NR3C2: variants seen among roughly 807,000 people sequenced by gnomAD.
NR3C2 encodes nuclear receptor subfamily 3 group C member 2.
NR3C2 carries 15 observed loss-of-function variants against 86.4 expected under a neutral mutation model. The ratio of observed to expected loss-of-function variants is 0.17; its 90% CI spans 0.12 to 0.27. The LOEUF (loss-of-function observed/expected upper bound fraction) is 0.27. Among genes scored for constraint, NR3C2 ranks in the 10% least tolerant of loss-of-function variants. The probability of loss-of-function intolerance (pLI) is 1.00; values close to 1 mark genes in which losing one functional copy is unlikely to be tolerated. For synonymous variants in NR3C2, 458 were observed against 450.5 expected (o/e 1.02, Z -0.21); for missense variants, 960 against 1,195.6 (o/e 0.80, Z 2.91).
At chr4:148,129,839 G>T (rs1578915189) in intron 6 of NR3C2, among the ~76,000 whole-genome samples, 1 of 152,032 alleles carries the variant, frequency 6.6e-6, no homozygotes, top group South Asian at 2.1e-4. Flanking sequence ...CAGGTGATCT[G>T]CCCCCCGCTT....
At chr4:148,226,676 T>C (rs1738184964) in intron 3 of NR3C2, among the ~76,000 whole-genome samples, 1 of 152,160 alleles carries the variant, frequency 6.6e-6, no homozygotes, top group South Asian at 2.1e-4. Context: ...GCTAATGTGG[T>C]TGTGCCATTT....
At position 148,203,249 on chromosome 4, in the gene NR3C2, C is replaced by T. The variant is rs964976124; in HGVS notation, c.1898-8387G>A. On this transcript the variant is annotated intron_variant, in intron 3 of 8. Coordinates refer to ENST00000358102, the MANE Select transcript of NR3C2 (RefSeq NM_000901.5). Reference sequence around the variant, plus strand: ...TAGAGCACCAAACTGGCTGCAAGTACGTCTTCACTAACTACCCCGGTCGAT... The same window carrying T: ...TAGAGCACCAAACTGGCTGCAAGTATGTCTTCACTAACTACCCCGGTCGAT... Among the ~76,000 whole-genome samples, 6 of 151,982 alleles carry T rather than the reference C, an allele frequency of 3.9e-5. No homozygotes were observed. The East Asian group carries it at 9.7e-4, about 24-fold the overall frequency.
Position 148,120,724 on chromosome 4 carries a change from G to T in NR3C2, c.2511-436C>A, listed in dbSNP as rs1213640135. On this transcript the variant is annotated intron_variant, in intron 6 of 8. Transcript: ENST00000358102. ...GCTAGATGCTACGAACATAGGATGG[G>T]GATGACCAATCTTATTTCTCCATGG... 2.0e-5 allele frequency among the ~76,000 whole-genome samples: 3 copies of T among 152,156 alleles called. No individual in the cohort carries two copies. The East Asian group carries it at 5.8e-4, about 29-fold the overall frequency.
At chr4:148,217,630 C>G (rs1326744893) in intron 3 of NR3C2, among the ~76,000 whole-genome samples, 2 of 152,182 alleles carry the variant, frequency 1.3e-5, no homozygotes, top group Non-Finnish European at 2.9e-5. Flanking sequence ...CTGGTTTGCC[C>G]CTGCTGTCTT....
intron 3 of NR3C2, among the ~76,000 whole-genome samples, chr4:148,212,649 C>T (rs534358535): frequency 6.6e-6 from 1 of 152,272 alleles, no homozygotes; most frequent in South Asian, 2.1e-4. Context: ...AAGAAAATAT[C>T]TAAAAGTAAA....
chr4:148,247,105 G>A (rs1464621372), intron 3 of NR3C2, among the ~76,000 whole-genome samples: 2 of 152,154 alleles, frequency 1.3e-5, no homozygotes, highest in African/African-American at 4.8e-5. Context: ...GATAAAGACA[G>A]AACAGAAAGC....
chr4:148,378,771 T>G (rs1746806379), intron 2 of NR3C2, among the ~76,000 whole-genome samples: 2 of 152,334 alleles, frequency 1.3e-5, no homozygotes, highest in South Asian at 4.1e-4. Context: ...ACCTCTTTTC[T>G]TTATAAATTG....
At chr4:148,103,258 TG>T (rs1426558827) in intron 8 of NR3C2, among the ~76,000 whole-genome samples, 1 of 152,198 alleles carries the variant, frequency 6.6e-6, no homozygotes, top group Admixed American at 6.5e-5. Context: ...CCACCTTTCA[TG>T]CCGGGTTTTC....
At chr4:148,310,148 A>C (rs564981884) in intron 2 of NR3C2, among the ~76,000 whole-genome samples, 66 of 152,242 alleles carry the variant, frequency 4.3e-4, no homozygotes, top group Non-Finnish European at 7.2e-4. Context: ...TAAACTACTT[A>C]CATAGACTTA....
chr4:148,423,610 TG>T (rs1278374221), intron 2 of NR3C2, among the ~76,000 whole-genome samples: 1 of 152,218 alleles, frequency 6.6e-6, no homozygotes, highest in Non-Finnish European at 1.5e-5. Flanking sequence ...CCCAACTAGA[TG>T]GGAATACAGT....
intron 8 of NR3C2, among the ~76,000 whole-genome samples, chr4:148,096,877 C>A (rs189776997): frequency 6.6e-6 from 1 of 152,142 alleles, no homozygotes; most frequent in Non-Finnish European, 1.5e-5. Context: ...TACTACGTGG[C>A]GCACTACAGA....
intron 3 of NR3C2, among the ~76,000 whole-genome samples, chr4:148,203,659 G>A (rs576798453): frequency 5.9e-5 from 3 of 50,628 alleles, no homozygotes; most frequent in South Asian, 5.2e-4. Context: ...CCCTCCCCCC[G>A]CCCCGCCCCC....
At chr4:148,255,180 C>T (rs1242964373) in intron 3 of NR3C2, among the ~76,000 whole-genome samples, 1 of 152,106 alleles carries the variant, frequency 6.6e-6, no homozygotes, top group Non-Finnish European at 1.5e-5. Flanking sequence ...TGGTTTATGA[C>T]ACAGTGAAAC....
chr4:148,413,582 T>C (rs1748830033), intron 2 of NR3C2, among the ~76,000 whole-genome samples: 1 of 151,926 alleles, frequency 6.6e-6, no homozygotes, highest in Admixed American at 6.6e-5. Context: ...TATTTTCAAC[T>C]CACATAACCA....
chr4:148,147,732 A>T (rs1733933698), intron 6 of NR3C2, among the ~76,000 whole-genome samples: 1 of 152,232 alleles, frequency 6.6e-6, no homozygotes. Context: ...CTTTACACAA[A>T]ATGCCAGATT....
At chr4:148,295,859 C>T (rs995166273) in intron 2 of NR3C2, among the ~76,000 whole-genome samples, 6 of 151,848 alleles carry the variant, frequency 4.0e-5, no homozygotes, top group African/African-American at 1.5e-4. Flanking sequence ...GTGATCCTGC[C>T]TACCTTACCC....
chr4:148,240,785 G>C (rs1399591427), intron 3 of NR3C2, among the ~76,000 whole-genome samples: 1 of 152,164 alleles, frequency 6.6e-6, no homozygotes, highest in Non-Finnish European at 1.5e-5. Flanking sequence ...GAACACATCT[G>C]CCCGTCCTTG....
chr4:148,367,206 G>C (rs1746189005), intron 2 of NR3C2, among the ~76,000 whole-genome samples: 1 of 152,162 alleles, frequency 6.6e-6, no homozygotes, highest in African/African-American at 2.4e-5. Context: ...GATTTGTCAT[G>C]AGATTGTGTG....
intron 2 of NR3C2, among the ~76,000 whole-genome samples, chr4:148,291,771 G>A (rs1741806605): frequency 6.6e-6 from 1 of 151,972 alleles, no homozygotes; most frequent in African/African-American, 2.4e-5. Flanking sequence ...CTTACAATGG[G>A]GTTATTTCCT....
Sources: gnomAD v4.1 joint callset for allele counts (sites outside exome capture counted in the v4.1 genomes callset) on GRCh38, gnomAD v4.1.1 for gene constraint, MANE v1.5 for transcripts, NCBI Gene and HGNC (gene_info 2026-07-23, HGNC 2026-07-21) for gene names.